SUCLG2: variants seen among roughly 807,000 people sequenced by gnomAD.
SUCLG2 encodes succinate--CoA ligase [GDP-forming] subunit beta, mitochondrial.
A neutral mutation model predicts 47.9 loss-of-function variants in SUCLG2; 42 were observed. That is an observed-to-expected ratio of 0.88 (90% CI 0.69 to 1.14). SUCLG2 has a LOEUF of 1.14. SUCLG2 is among the 50% of genes most tolerant of loss of function. The pLI is 0.00. For synonymous variants in SUCLG2, 195 were observed against 197.3 expected (o/e 0.99, Z 0.10); for missense variants, 571 against 525.9 (o/e 1.09, Z -0.84).
At chr3:67,487,955 T>A (rs1305620353) in intron 9 of SUCLG2, among the ~76,000 whole-genome samples, 1 of 152,086 alleles carries the variant, frequency 6.6e-6, no homozygotes, top group Non-Finnish European at 1.5e-5. Flanking sequence ...TAAGTAAACT[T>A]GTATATCCAT....
At chr3:67,405,701 T>C (rs6785835) in intron 9 of SUCLG2, among the ~76,000 whole-genome samples, 7 of 151,994 alleles carry the variant, frequency 4.6e-5, no homozygotes, top group African/African-American at 1.7e-4. Context: ...TTCAGAGGAA[T>C]AGTGAATTCT....
At chr3:67,610,443 AC>A (rs1332332435) in intron 1 of SUCLG2, among the ~76,000 whole-genome samples, 1 of 152,140 alleles carries the variant, frequency 6.6e-6, no homozygotes, top group East Asian at 1.9e-4. Context: ...TAAATTCCTT[AC>A]ATTTTATCCA....
chr3:67,456,531 A>G (rs778947502), intron 9 of SUCLG2, among the ~76,000 whole-genome samples: 2 of 152,216 alleles, frequency 1.3e-5, no homozygotes, highest in Non-Finnish European at 2.9e-5. Context: ...CCTGTGATCC[A>G]TGGTATGTGA....
At chr3:67,467,721 A>G (rs1704507549) in intron 9 of SUCLG2, among the ~76,000 whole-genome samples, 2 of 152,164 alleles carry the variant, frequency 1.3e-5, no homozygotes, top group Admixed American at 1.3e-4. Context: ...TAGGAGACGT[A>G]TATGTTTTAT....
At chr3:67,416,598 G>C (rs1703044412) in intron 9 of SUCLG2, among the ~76,000 whole-genome samples, 1 of 152,062 alleles carries the variant, frequency 6.6e-6, no homozygotes, top group African/African-American at 2.4e-5. Context: ...TTTCTATAAT[G>C]ATCTGTTACA....
At chr3:67,570,565 T>A (rs1707579445) in intron 2 of SUCLG2, among the ~76,000 whole-genome samples, 1 of 152,168 alleles carries the variant, frequency 6.6e-6, no homozygotes, top group Non-Finnish European at 1.5e-5. Context: ...CAATCATGTG[T>A]TTTACAGTGG....
intron 2 of SUCLG2, among the ~76,000 whole-genome samples, chr3:67,584,211 G>A (rs1182716351): frequency 6.6e-6 from 1 of 151,978 alleles, no homozygotes; most frequent in Admixed American, 6.6e-5. Flanking sequence ...AATACTCTTC[G>A]GTAACACAAA....
chr3:67,390,859 TATA>T (rs1291868524), intron 10 of SUCLG2, among the ~76,000 whole-genome samples: 10 of 152,200 alleles, frequency 6.6e-5, no homozygotes, highest in Non-Finnish European at 1.0e-4. Flanking sequence ...ACCAACATCT[TATA>T]ATAATTTTTT....
chr3:67,633,184 GT>G (rs1435169037), intron 1 of SUCLG2, among the ~76,000 whole-genome samples: 4 of 152,056 alleles, frequency 2.6e-5, no homozygotes, highest in African/African-American at 2.4e-5. Flanking sequence ...AAAGTAAAAT[GT>G]TTTTAAGGTT....
chr3:67,567,433 C>T (rs976612391), intron 2 of SUCLG2, among the ~76,000 whole-genome samples: 12 of 151,928 alleles, frequency 7.9e-5, no homozygotes, highest in Non-Finnish European at 1.2e-4. Flanking sequence ...GTAGCTGGGG[C>T]TACAGGTGCA....
intron 7 of SUCLG2, among the ~76,000 whole-genome samples, chr3:67,498,670 A>G (rs1381692233): frequency 1.3e-5 from 2 of 152,142 alleles, no homozygotes; most frequent in Non-Finnish European, 2.9e-5. Context: ...TTTCTCTTCT[A>G]TGTAAAGAGA....
chr3:67,490,105 C>T (rs930618799), intron 9 of SUCLG2, among the ~76,000 whole-genome samples: 1 of 152,150 alleles, frequency 6.6e-6, no homozygotes, highest in African/African-American at 2.4e-5. Flanking sequence ...TGGTTTGGAG[C>T]TGCTCAATCC....
At chr3:67,530,449 C>T (rs963579572) in intron 2 of SUCLG2, among the ~76,000 whole-genome samples, 2 of 152,108 alleles carry the variant, frequency 1.3e-5, no homozygotes, top group Non-Finnish European at 2.9e-5. Flanking sequence ...AACTAACAAG[C>T]GCTCCATTAA....
chr3:67,397,481 C>G (rs950328934), intron 10 of SUCLG2, among the ~76,000 whole-genome samples: 3 of 152,136 alleles, frequency 2.0e-5, no homozygotes, highest in Non-Finnish European at 4.4e-5. Flanking sequence ...AGGACCTCTT[C>G]AAGGAGAACT....
intron 5 of SUCLG2, 90 bp downstream of exon 5, chr3:67,520,392 G>A: frequency 6.4e-7 from 1 of 1,560,934 alleles, no homozygotes; most frequent in Non-Finnish European, 8.8e-7. Flanking sequence ...GACAGATTTA[G>A]TGCTCCTGGC....
At chr3:67,484,149 G>T (rs1329915716) in intron 9 of SUCLG2, among the ~76,000 whole-genome samples, 1 of 152,148 alleles carries the variant, frequency 6.6e-6, no homozygotes, top group Non-Finnish European at 1.5e-5. Context: ...ACCATTTCCT[G>T]TACGCATTGC....
At chr3:67,367,002 GACTT>G (rs1255902863) in intron 10 of SUCLG2, among the ~76,000 whole-genome samples, 2 of 152,126 alleles carry the variant, frequency 1.3e-5, no homozygotes, top group Non-Finnish European at 2.9e-5. Context: ...AAGTTAAAGA[GACTT>G]ACAGCAACAT....
chr3:67,400,448 T>TC (rs1371368918), intron 10 of SUCLG2, among the ~76,000 whole-genome samples: 1 of 152,158 alleles, frequency 6.6e-6, no homozygotes, highest in Admixed American at 6.5e-5. Context: ...AGAGTGTTTT[T>TC]CCCCAAACAC....
At chr3:67,504,770 A>G (rs1705593201) in intron 7 of SUCLG2, among the ~76,000 whole-genome samples, 2 of 152,242 alleles carry the variant, frequency 1.3e-5, no homozygotes, top group Non-Finnish European at 2.9e-5. Flanking sequence ...GTGTACAGAT[A>G]GAGCTGGCTG....
Sources: allele counts gnomAD v4.1 joint callset (sites outside exome capture counted in the v4.1 genomes callset), GRCh38; gene constraint gnomAD v4.1.1; transcripts MANE v1.5; gene names NCBI Gene and HGNC (gene_info 2026-07-23, HGNC 2026-07-21).